Variants in COPG1 observed in about 807,000 individuals in gnomAD.
COPG1 encodes coat protein complex I subunit gamma 1.
COPG1 carries 29 observed loss-of-function variants against 102.8 expected under a neutral mutation model. The observed-to-expected ratio is 0.28, with a 90% CI of 0.21 to 0.38. The LOEUF (loss-of-function observed/expected upper bound fraction) is 0.38. COPG1 is among the 10% of genes least tolerant of loss of function. The pLI is 1.00. For synonymous variants in COPG1, 406 were observed against 421.6 expected, an observed-to-expected ratio of 0.96 and a Z score of 0.45; for missense variants, 875 against 1,132.7, an observed-to-expected ratio of 0.77 and a Z score of 3.27.
At chr3:129,259,729 C>T (rs569305590) in intron 10 of COPG1, among the ~76,000 whole-genome samples, 81 of 152,248 alleles carry the variant, frequency 5.3e-4, no homozygotes, top group East Asian at 1.9e-3. Context: ...TCTGAGCTTC[C>T]GGGCAGCCAG....
intron 5 of COPG1, among the ~76,000 whole-genome samples, chr3:129,253,581 G>A (rs927162279): frequency 1.3e-5 from 2 of 152,162 alleles, no homozygotes; most frequent in African/African-American, 4.8e-5. Context: ...AGTTTATCAC[G>A]GAAGTATTAT....
In COPG1 at chr3:129,254,763, C is replaced by T; in HGVS notation, c.399+20C>T. The T allele has an allele frequency of 1.9e-6, 3 of 1,608,610 alleles. No homozygotes were observed. Among genetic ancestry groups the T allele is most frequent in the Non-Finnish European group, 2.6e-6 (3 of 1,175,396 alleles). ...ACTGATGTGAGTCGTGCCGGTTCCT[C>T]CCTGCTTCCTGGCCTCTTGATTGAG... On this transcript the variant is annotated intron_variant, in intron 6 of 23. Coordinates refer to ENST00000314797, the MANE Select transcript of COPG1 (RefSeq NM_016128.4).
chr3:129,263,014 CAAAAAAAAA>C (rs1299713396), intron 12 of COPG1, among the ~76,000 whole-genome samples: 1 of 54,308 alleles, frequency 1.8e-5, no homozygotes, highest in Non-Finnish European at 3.5e-5. Context: ...GACTCCGTCT[CAAAAAAAAA>C]AAAAAAAAAA....
At position 129,277,304 on chromosome 3, in the gene COPG1, G is replaced by T. The variant is rs768058360; in HGVS notation, c.2505G>T (p.Arg835=). The change falls in exon 24 of 24, where the codon CGG becomes CGT. Residue 835 remains arginine, a synonymous_variant. Transcript: ENST00000314797. ...THTLLLAGVF[R]GGHDILVRSR... ...TCTCTTCCCTTCTAGGTGTGTTCCG[G>T]GGTGGTCATGACATCCTGGTGCGCT... 3.7e-6 allele frequency: 6 copies of T among 1,613,748 alleles called. No individual in the cohort carries two copies. The highest frequency in any genetic ancestry group is 3.3e-5 in the South Asian group (3 of 91,072).
intron 5 of COPG1, 51 bp downstream of exon 5, chr3:129,253,006 C>T (rs1456372681): frequency 2.6e-6 from 4 of 1,509,676 alleles, no homozygotes; most frequent in Non-Finnish European, 3.7e-6. Context: ...ATTGACAGAC[C>T]ATTTTTTTCT....
At position 129,255,271 on chromosome 3, in the gene COPG1, G is replaced by A. The variant is rs537814075; in HGVS notation, c.492+194G>A. ...TCGGCTCACTGCAACCTCTGCCGCC[G>A]GGGTTCAAGTGATTTTCTTGCCTCA... On this transcript the variant is annotated intron_variant, in intron 7 of 23. Transcript: ENST00000314797. Among the ~76,000 whole-genome samples the A allele has an allele frequency of 4.7e-5, 7 of 147,750 alleles. No homozygotes were observed. The East Asian group carries it at 6.1e-4, about 13-fold the overall frequency.
Position 129,260,733 on chromosome 3 carries a change from G to A in COPG1, c.1054G>A (p.Gly352Ser). The change falls in exon 12 of 24, where the codon GGC (glycine) becomes AGC (serine). Residue 352 changes from glycine to serine, a missense_variant. Gly to Ser is a moderately conservative substitution (Grantham distance 56). Coordinates refer to ENST00000314797, the MANE Select transcript of COPG1 (RefSeq NM_016128.4). ...GGCCATCACCACCCTCCTTAAGACG[G>A]GCAGCGAGAGCAGCATCGACCGCCT... ...TLAITTLLKT[G>S]SESSIDRLMK... 1.2e-6 allele frequency: 2 copies of A among 1,613,376 alleles called. No individual in the cohort carries two copies. Among genetic ancestry groups the A allele is most frequent in the Non-Finnish European group, 8.5e-7 (1 of 1,180,032 alleles).
intron 16 of COPG1, 120 bp downstream of exon 16, chr3:129,268,160 A>C (rs1288261500): frequency 8.5e-6 from 7 of 822,592 alleles, no homozygotes; most frequent in Non-Finnish European, 1.2e-5. Flanking sequence ...TGGCAACCTC[A>C]TGGCATCATG....
intron 2 of COPG1, among the ~76,000 whole-genome samples, chr3:129,251,532 G>A (rs918926426): frequency 3.3e-5 from 5 of 150,754 alleles, no homozygotes; most frequent in South Asian, 2.1e-4. Context: ...ACAGGCGCAC[G>A]CCACTATGCC....
At chr3:129,272,032 A>T in intron 19 of COPG1, 123 bp downstream of exon 19, 1 of 1,196,758 alleles carries the variant, frequency 8.4e-7, no homozygotes, top group Non-Finnish European at 1.2e-6. Context: ...TTGATGACAG[A>T]ATCTGTCCCC....
rs781047311 is a variant in COPG1, at chr3:129,263,961, G to A, written c.1186G>A (p.Val396Ile). Residue 396 changes from valine to isoleucine, a missense_variant, in exon 13 of 24, where the codon GTC becomes ATC. Transcript: ENST00000314797. The stretch of plus-strand genomic sequence containing the variant: ...TCAGAAATATCCTCGCAAACACGCC[G>A]TCCTTATGAACTTCCTGTTCACCAT... ...LCQKYPRKHA[V>I]LMNFLFTMLR... is the part of the protein sequence containing the mutation. 1.4e-5 allele frequency: 22 copies of A among 1,614,024 alleles called. No individual in the cohort carries two copies. The highest frequency in any genetic ancestry group is 1.8e-5 in the Non-Finnish European group (21 of 1,180,032).
Position 129,275,122 on chromosome 3 carries a change from G to T in COPG1, c.2396-72G>T. On this transcript the variant is annotated intron_variant, in intron 22 of 23. Transcript: ENST00000314797. The surrounding 1 kb of genome is among the most constrained non-coding windows in gnomAD (Gnocchi z 5.0). ...ATGCCACTTCATTAAAAGCCCTTCA[G>T]AACATGGGGGAGTGGTGGTGGCACA... The T allele has an allele frequency of 6.6e-7, 1 of 1,519,824 alleles. No individual in the cohort carries two copies. The highest frequency in any genetic ancestry group is 9.1e-7 in the Non-Finnish European group (1 of 1,096,770). The allele number at this position is 1,519,824 out of a possible 1,614,324, so 94.1% of individuals were successfully genotyped here.
chr3:129,274,134 C>T (rs1940226281), intron 21 of COPG1: 1 of 455,390 alleles, frequency 2.2e-6, no homozygotes, highest in South Asian at 1.5e-5. Context: ...GCTCTAAGAC[C>T]AAGTGAGCTC....
At chr3:129,265,497 A>C (rs115638744) in intron 13 of COPG1, 52 bp from the exon 14 acceptor site, 13 of 1,596,326 alleles carry the variant, frequency 8.1e-6, no homozygotes, top group Non-Finnish European at 1.1e-5. Flanking sequence ...CAGGTCTTCA[A>C]CTCTTTTCTG....
intron 18 of COPG1, among the ~76,000 whole-genome samples, chr3:129,269,708 A>G (rs9784324): frequency 0.11 from 16,234 of 151,968 alleles, 2,436 homozygotes; most frequent in African/African-American, 0.34. Context: ...ACTCAGAATC[A>G]TGTCTTATAT....
At chr3:129,272,115 C>G (rs767631046) in intron 19 of COPG1, 129 bp from the exon 20 acceptor site, 380 of 1,059,224 alleles carry the variant, frequency 3.6e-4, no homozygotes, top group Non-Finnish European at 5.0e-4. Context: ...AGACAGGGAA[C>G]CTGGGGCAGG....
chr3:129,257,163 C>T (rs1230536387), intron 8 of COPG1, among the ~76,000 whole-genome samples: 1 of 152,220 alleles, frequency 6.6e-6, no homozygotes, highest in African/African-American at 2.4e-5. Context: ...ACCAGGTCTC[C>T]CACATTGCTT....
At position 129,266,893 on chromosome 3, in the gene COPG1, T is replaced by C. The variant is rs1940070952; in HGVS notation, c.1469-131T>C. The C allele has an allele frequency of 8.2e-6, 6 of 730,056 alleles. No individual in the cohort carries two copies. In the Admixed American group the frequency reaches 1.2e-4, roughly 14 times the overall value. The allele number at this position is 730,056 out of a possible 1,614,324, so 45.2% of individuals were successfully genotyped here. A position where few individuals can be genotyped will look rare whatever the true frequency, so the allele number is the denominator to read the frequency against. ...CCACTCACTCTGTTGGTAGTGACTT[T>C]GGGCCTCCTGGCTTGAGACTTCTTG... On this transcript the variant is annotated intron_variant, in intron 14 of 23. Coordinates refer to ENST00000314797, the MANE Select transcript of COPG1 (RefSeq NM_016128.4).
At position 129,265,540 on chromosome 3, in the gene COPG1, T is replaced by G. The variant is rs1432416919; in HGVS notation, c.1225-9T>G. 1 of 1,613,700 alleles carries G rather than the reference T, an allele frequency of 6.2e-7. No individual in the cohort carries two copies. The highest frequency in any genetic ancestry group is 8.5e-7 in the Non-Finnish European group (1 of 1,179,700). On this transcript the variant is annotated splice_polypyrimidine_tract_variant and intron_variant, in intron 13 of 23. Transcript: ENST00000314797. ...CAGGCTCCTTGCTTAGCTCAGCTTC[T>G]CTCTGCAGGGTGGCTTTGAGTATAA...
Sources: gnomAD v4.1 joint callset for allele counts (sites outside exome capture counted in the v4.1 genomes callset) on GRCh38, gnomAD v4.1.1 for gene constraint, Gnocchi (gnomAD v3.1) non-coding constraint, MANE v1.5 for transcripts, NCBI Gene and HGNC (gene_info 2026-07-23, HGNC 2026-07-21) for gene names.